Variants in SERPINB8 observed in about 807,000 individuals in gnomAD.
SERPINB8 encodes serpin B8.
In SERPINB8, 25 loss-of-function variants were observed where a neutral mutation model predicts 35.3. The observed-to-expected ratio is 0.71, with a 90% CI of 0.52 to 0.99. The LOEUF (loss-of-function observed/expected upper bound fraction) is 0.99. Ranked by LOEUF, SERPINB8 falls within the 50% of genes least tolerant of loss-of-function variation. The pLI, the probability that SERPINB8 is intolerant of heterozygous loss-of-function variation, is 0.00. For missense variants in SERPINB8, 484 were observed against 446.5 expected (o/e 1.08, Z -0.76); for synonymous variants, 186 against 160.8 (o/e 1.16, Z -1.19).
chr18:63,985,167 G>A lies in SERPINB8; in HGVS notation c.642G>A (p.Gln214=), dbSNP rs1290136035. 3 of 1,614,172 alleles carry A rather than the reference G, an allele frequency of 1.9e-6. No individual in the cohort carries two copies. The highest frequency in any genetic ancestry group is 2.5e-6 in the Non-Finnish European group (3 of 1,180,030). Residue 214 remains glutamine, a synonymous_variant, in exon 6 of 7, where the codon CAG becomes CAA. Transcript: ENST00000397985. Reference sequence around the variant, plus strand: ...GGTATGCGGATGAGGTACACACCCAGGTCCTGGAGCTGCCCTATGTGGAAG... The same window carrying A: ...GGTATGCGGATGAGGTACACACCCAAGTCCTGGAGCTGCCCTATGTGGAAG... ...KMGYADEVHT[Q]VLELPYVEEE...
At chr18:63,970,304 G>A (rs2050444907) in intron 1 of SERPINB8, 134 bp downstream of exon 1, 2 of 171,060 alleles carry the variant, frequency 1.2e-5, no homozygotes, top group African/African-American at 4.8e-5. Context: ...GCGAGGCAAA[G>A]GCGGGCAGGA....
intron 1 of SERPINB8, among the ~76,000 whole-genome samples, chr18:64,002,919 G>T (rs1406261561): frequency 1.3e-5 from 2 of 152,344 alleles, no homozygotes; most frequent in East Asian, 3.9e-4. Context: ...AGCCGGCGGG[G>T]CCGGGATAAT....
Position 63,987,966 on chromosome 18 carries a change from G to A in SERPINB8, c.*688G>A, listed in dbSNP as rs9961532. On this transcript the variant is annotated 3_prime_UTR_variant, in exon 7 of 7. Transcript: ENST00000397985. Reference sequence around the variant, plus strand: ...CACACAAAATACCAAAGGAACTTACGCAACACACCACTGAGTCCTCTAACT... The same window carrying A: ...CACACAAAATACCAAAGGAACTTACACAACACACCACTGAGTCCTCTAACT... 0.21 allele frequency: 31,190 copies of A among 152,104 alleles called. 3,212 individuals are homozygous for A. The highest frequency in any genetic ancestry group is 0.32 in the Middle Eastern group (94 of 294). The allele number at this position is 152,104 out of a possible 1,614,324, so 9.4% of individuals were successfully genotyped here. A position where few individuals can be genotyped will look rare whatever the true frequency, so the allele number is the denominator to read the frequency against.
chr18:63,979,991 C>T, intron 3 of SERPINB8, 53 bp downstream of exon 3: 1 of 1,549,162 alleles, frequency 6.5e-7, no homozygotes, highest in South Asian at 1.1e-5. Flanking sequence ...AGTTAGACTA[C>T]AGAAGAGCAG....
chr18:63,999,249 C>T (rs1391538731), intron 1 of SERPINB8, among the ~76,000 whole-genome samples: 2 of 152,190 alleles, frequency 1.3e-5, no homozygotes, highest in African/African-American at 4.8e-5. Flanking sequence ...ATATGCCACT[C>T]ACTCCTTGAC....
At chr18:64,012,329 G>T (rs1481604031) in intron 7 of SERPINB8, among the ~76,000 whole-genome samples, 4 of 151,950 alleles carry the variant, frequency 2.6e-5, no homozygotes, top group Non-Finnish European at 5.9e-5. Context: ...ATGAAATATG[G>T]TACAATTTAT....
downstream of SERPINB8, among the ~76,000 whole-genome samples, chr18:64,009,401 A>G (rs940497416): frequency 6.6e-6 from 1 of 152,270 alleles, no homozygotes. Flanking sequence ...CTAAAGAAAA[A>G]GATCAAGTTG....
At chr18:63,980,608 G>A (rs1056000357) in intron 3 of SERPINB8, among the ~76,000 whole-genome samples, 2 of 152,174 alleles carry the variant, frequency 1.3e-5, no homozygotes, top group Admixed American at 1.3e-4. Flanking sequence ...TAGCTGCTGG[G>A]TGCTGTTCCC....
chr18:63,973,677 A>G (rs1386460477), intron 1 of SERPINB8, among the ~76,000 whole-genome samples: 1 of 152,216 alleles, frequency 6.6e-6, no homozygotes, highest in Non-Finnish European at 1.5e-5. Flanking sequence ...TATAAGGTGT[A>G]AGGAAGGGAT....
downstream of SERPINB8, among the ~76,000 whole-genome samples, chr18:64,009,775 G>A (rs772100264): frequency 1.3e-5 from 2 of 152,162 alleles, no homozygotes; most frequent in Admixed American, 1.3e-4. Context: ...TTAGCATTCC[G>A]ATAATGGGAC....
At chr18:63,981,619 CCAA>C in intron 3 of SERPINB8, 99 bp from the exon 4 acceptor site, 1 of 794,118 alleles carries the variant, frequency 1.3e-6, no homozygotes, top group East Asian at 2.5e-5. Context: ...TGTGACCTGT[CCAA>C]GCACTTATTG....
intron 7 of SERPINB8, among the ~76,000 whole-genome samples, chr18:64,015,265 G>A (rs2050944549): frequency 6.6e-6 from 1 of 152,242 alleles, no homozygotes; most frequent in East Asian, 1.9e-4. Context: ...CTCAGTAACC[G>A]GGCAAGGGTG....
intron 2 of SERPINB8, 145 bp from the exon 3 acceptor site, chr18:63,979,656 G>C: frequency 1.1e-6 from 1 of 920,916 alleles, no homozygotes; most frequent in Non-Finnish European, 1.7e-6. Flanking sequence ...TGCCCACGTT[G>C]AGAAACCCTG....
chr18:63,981,495 G>T (rs1599142772), intron 3 of SERPINB8, among the ~76,000 whole-genome samples: 1 of 152,194 alleles, frequency 6.6e-6, no homozygotes. Context: ...GGGTGTCTCA[G>T]CTGCCTCTTC....
At chr18:64,003,129 T>G (rs1178923616) in intron 1 of SERPINB8, among the ~76,000 whole-genome samples, 4 of 152,188 alleles carry the variant, frequency 2.6e-5, no homozygotes, top group Non-Finnish European at 5.9e-5. Context: ...CCAAATCCAC[T>G]TCTAAGTGCA....
chr18:63,976,220 C>G (rs1349972733), intron 1 of SERPINB8, among the ~76,000 whole-genome samples: 1 of 151,692 alleles, frequency 6.6e-6, no homozygotes, highest in Admixed American at 6.6e-5. Context: ...TTTTATTTTC[C>G]CAAATGTTCT....
At chr18:63,995,030 C>A (rs145433323) in intron 1 of SERPINB8, among the ~76,000 whole-genome samples, 138 of 152,220 alleles carry the variant, frequency 9.1e-4, no homozygotes, top group African/African-American at 3.1e-3. Context: ...GCTCTCTGAG[C>A]CTGATGATTC....
At chr18:64,008,938 G>A (rs1329411047), downstream of SERPINB8, among the ~76,000 whole-genome samples, 1 of 152,112 alleles carries the variant, frequency 6.6e-6, no homozygotes, top group Non-Finnish European at 1.5e-5. Context: ...AGCTCATAGA[G>A]TTGTCGAGAG....
intron 1 of SERPINB8, among the ~76,000 whole-genome samples, chr18:63,996,129 A>AT (rs1214597814): frequency 9.2e-5 from 14 of 152,120 alleles, no homozygotes; most frequent in African/African-American, 3.4e-4. Context: ...GATAACTGTA[A>AT]TTTTCTTGAG....
Sources: allele counts gnomAD v4.1 joint callset (sites outside exome capture counted in the v4.1 genomes callset), GRCh38; gene constraint gnomAD v4.1.1; transcripts MANE v1.5; gene names NCBI Gene and HGNC (gene_info 2026-07-23, HGNC 2026-07-21).